The following MMP25 variants were observed in gnomAD, a reference collection of about 807,000 sequenced individuals.
MMP25 encodes the protein matrix metalloproteinase-25.
MMP25 carries 68 observed loss-of-function variants against 62.1 expected under a neutral mutation model. The observed-to-expected ratio is 1.10, with a 90% CI of 0.90 to 1.34. MMP25 has a LOEUF of 1.34. Ranked by LOEUF, MMP25 falls within the 40% of genes most tolerant of loss-of-function variation. The pLI, the probability that MMP25 is intolerant of heterozygous loss-of-function variation, is 0.00. For synonymous variants in MMP25, 407 were observed against 345.6 expected, an observed-to-expected ratio of 1.18 and a Z score of -1.97; for missense variants, 942 against 792.5, an observed-to-expected ratio of 1.19 and a Z score of -2.26.
At chr16:3,055,274 G>A (rs1233581750) in intron 4 of MMP25, among the ~76,000 whole-genome samples, 1 of 152,110 alleles carries the variant, frequency 6.6e-6, no homozygotes, top group Non-Finnish European at 1.5e-5. Context: ...CGTGACAAGG[G>A]TGCAGGAAGG....
chr16:3,050,023 GCCACCATGC>G lies in MMP25; in HGVS notation c.248_256del (p.Ala83_Arg86delinsGly). 6.2e-7 allele frequency: 1 copy of G among 1,609,858 alleles called. No homozygotes were observed. Among genetic ancestry groups the G allele is most frequent in the East Asian group, 2.2e-5 (1 of 44,878 alleles). ...GTCTCCCGCAGACCCAGGGACAGTG[GCCACCATGC>G]GTAAGCCCCGCTGCTCCCTGCCTGA... is the stretch of plus-strand genomic sequence containing the variant. On this transcript the variant is annotated inframe_deletion, in exon 3 of 10. Coordinates refer to ENST00000336577, the MANE Select transcript of MMP25 (RefSeq NM_022468.5).
chr16:3,058,884 A>C lies in MMP25; in HGVS notation c.1475A>C (p.Lys492Thr), dbSNP rs1956066010. ...HYWRFPKNSIKTEPDAPQPMG... is the reference protein window; with the variant it reads ...HYWRFPKNSITTEPDAPQPMG... ...TGGCGCTTCCCCAAGAACAGCATCA[A>C]GACCGAGCCGGACGCCCCCCAGCCC... is the stretch of plus-strand genomic sequence containing the variant. Residue 492 changes from lysine (K) to threonine (T), a missense_variant, in exon 10 of 10, where the codon AAG (lysine) becomes ACG (threonine). Coordinates refer to ENST00000336577, the MANE Select transcript of MMP25 (RefSeq NM_022468.5). The C allele has an allele frequency of 1.9e-6, 3 of 1,557,536 alleles. No homozygotes were observed. Among genetic ancestry groups the C allele is most frequent in the Non-Finnish European group, 2.6e-6 (3 of 1,150,600 alleles).
chr16:3,059,366 T>A lies in MMP25; in HGVS notation c.*268T>A, dbSNP rs896224538. On this transcript the variant is annotated 3_prime_UTR_variant, in exon 10 of 10. Transcript: ENST00000336577. ...CAGGGGCGCACGCGCGCTGGGACCATGCGTCGGTCGTCGCCCCCGTCGTTC... is the reference window on the plus strand; with the variant it reads ...CAGGGGCGCACGCGCGCTGGGACCAAGCGTCGGTCGTCGCCCCCGTCGTTC... 1 of 353,302 alleles carries A rather than the reference T, an allele frequency of 2.8e-6. No individual in the cohort carries two copies. The highest frequency in any genetic ancestry group is 5.0e-6 in the Non-Finnish European group (1 of 199,556). The allele number at this position is 353,302 out of a possible 1,614,324, so 21.9% of individuals were successfully genotyped here.
chr16:3,058,744 G>A (rs1356563499), intron 9 of MMP25, 75 bp downstream of exon 9: 5 of 1,519,404 alleles, frequency 3.3e-6, no homozygotes, highest in Non-Finnish European at 3.5e-6. Context: ...GGACATGGAG[G>A]CCACCCTGCG....
chr16:3,049,629 G>A (rs1450531813), intron 2 of MMP25, among the ~76,000 whole-genome samples: 1 of 152,172 alleles, frequency 6.6e-6, no homozygotes, highest in Non-Finnish European at 1.5e-5. Flanking sequence ...GATGGTGTGA[G>A]GCCTGCACAG....
intron 4 of MMP25, 42 bp from the exon 5 acceptor site, chr16:3,056,991 C>T (rs1265217019): frequency 3.3e-6 from 5 of 1,521,810 alleles, no homozygotes; most frequent in Admixed American, 2.1e-5. Flanking sequence ...CCCCTTTCCC[C>T]AAGCAGGGGC....
At chr16:3,050,189 T>C in intron 3 of MMP25, 45 bp downstream of exon 3, 2 of 1,580,752 alleles carry the variant, frequency 1.3e-6, no homozygotes, top group African/African-American at 1.3e-5. Flanking sequence ...CCTGCTGGGC[T>C]CCGGCTTTGA....
In MMP25 at chr16:3,050,433, AC is replaced by A. The variant is rs1219503356; in HGVS notation, c.552del (p.Phe185SerfsTer8). On this transcript the variant is annotated frameshift_variant, in exon 4 of 10. Coordinates refer to ENST00000336577, the MANE Select transcript of MMP25 (RefSeq NM_022468.5). LOFTEE classifies it high-confidence loss of function. The stretch of plus-strand genomic sequence containing the variant: ...GCCCGCGCCTTCCACCAGGACAGCT[AC>A]CCCTTCGACGGGTTGGGGGGCACCC... The part of the protein sequence containing the change: ...DFARAFHQDS[Y>X]PFDGLGGTLA... The A allele has an allele frequency of 2.5e-6, 4 of 1,613,748 alleles. No individual in the cohort carries two copies. In the African/African-American group the frequency reaches 5.3e-5, roughly 22 times the overall value.
Position 3,060,226 on chromosome 16 carries a change from G to A in MMP25, c.*1128G>A, listed in dbSNP as rs186716252. On this transcript the variant is annotated 3_prime_UTR_variant, in exon 10 of 10. Transcript: ENST00000336577. ...AGACTATCCCACATCAGAATCACTG[G>A]GAAATTTAAGTTTGCAGATCCCACA... 98 of 152,186 alleles carry A rather than the reference G, an allele frequency of 6.4e-4. No homozygotes were observed. The highest frequency in any genetic ancestry group is 2.3e-3 in the African/African-American group (94 of 41,508). 9.4% of individuals were successfully genotyped at this position (152,186 alleles called of 1,614,324 possible).
At chr16:3,057,426 T>C in intron 6 of MMP25, 32 bp downstream of exon 6, 1 of 1,604,972 alleles carries the variant, frequency 6.2e-7, no homozygotes, top group Non-Finnish European at 8.5e-7. Context: ...AGACCTTGGG[T>C]GACCAGCTGC....
chr16:3,047,419 G>C lies in MMP25; in HGVS notation c.104G>C (p.Trp35Ser), dbSNP rs1955835987. 1 of 1,613,228 alleles carries C rather than the reference G, an allele frequency of 6.2e-7. No homozygotes were observed. The highest frequency in any genetic ancestry group is 8.5e-7 in the Non-Finnish European group (1 of 1,179,602). Residue 35 changes from tryptophan to serine, a missense_variant, in exon 2 of 10, where the codon TGG (tryptophan) becomes TCG (serine). Physicochemically the swap from Trp to Ser is radical, Grantham distance 177. Transcript: ENST00000336577. Reference protein sequence around the residue: ...SAQDVSLGVDWLTRYGYLPPP... With the variant: ...SAQDVSLGVDSLTRYGYLPPP... ...CTGCCCCCTCCGATGCCCTAGGACT[G>C]GCTGACTCGCTATGGTTACCTGCCG... is the stretch of plus-strand genomic sequence containing the variant.
chr16:3,059,119 G>T lies in MMP25; in HGVS notation c.*21G>T, dbSNP rs369473134. 4.9e-4 allele frequency: 734 copies of T among 1,512,348 alleles called. 1 individual carries two copies. The highest frequency in any genetic ancestry group is 5.9e-4 in the Non-Finnish European group (667 of 1,124,638). 93.7% of individuals were successfully genotyped at this position (1,512,348 alleles called of 1,614,324 possible). On this transcript the variant is annotated 3_prime_UTR_variant, in exon 10 of 10. Transcript: ENST00000336577. The stretch of plus-strand genomic sequence containing the variant: ...GCTGATGGGGGGAGCCATCCAGACC[G>T]AACAGCGCCCTCCACGGCCGAGTCC...
intron 4 of MMP25, among the ~76,000 whole-genome samples, chr16:3,055,403 A>T (rs1955988920): frequency 6.6e-6 from 1 of 152,152 alleles, no homozygotes; most frequent in African/African-American, 2.4e-5. Flanking sequence ...CAGAAAAAGG[A>T]CTCAGAGCAA....
chr16:3,050,796 T>C (rs901993000), intron 4 of MMP25, among the ~76,000 whole-genome samples: 1 of 152,050 alleles, frequency 6.6e-6, no homozygotes, highest in African/African-American at 2.4e-5. Flanking sequence ...TGTTTGTTTT[T>C]TTTACTTTTT....
At position 3,057,138 on chromosome 16, in the gene MMP25, A is replaced by G. The variant is rs1212493061; in HGVS notation, c.767A>G (p.Gln256Arg). Reference protein sequence around the residue: ...APNSIMRPFYQGPVGDPDKYR... With the variant: ...APNSIMRPFYRGPVGDPDKYR... ...AACTCCATTATGAGGCCCTTCTACC[A>G]GGGTCCGGTGGGCGACCCTGACAAG... is the stretch of plus-strand genomic sequence containing the variant. Residue 256 changes from glutamine to arginine, a missense_variant, in exon 5 of 10, where the codon CAG (glutamine) becomes CGG (arginine). By Grantham distance (43) the Gln-to-Arg change is conservative (BLOSUM62 1). Coordinates refer to ENST00000336577, the MANE Select transcript of MMP25 (RefSeq NM_022468.5). The G allele has an allele frequency of 1.2e-6, 2 of 1,613,114 alleles. No individual in the cohort carries two copies. Among genetic ancestry groups the G allele is most frequent in the Non-Finnish European group, 1.7e-6 (2 of 1,179,640 alleles).
At chr16:3,049,143 T>C (rs1955862458) in intron 2 of MMP25, among the ~76,000 whole-genome samples, 1 of 151,454 alleles carries the variant, frequency 6.6e-6, no homozygotes, top group African/African-American at 2.4e-5. Flanking sequence ...TGGGTCCTGA[T>C]GGAGAATGGA....
rs1403511045 is a variant in MMP25, at chr16:3,050,504, A to G, written c.619A>G (p.Thr207Ala). The G allele has an allele frequency of 9.5e-6, 15 of 1,585,502 alleles. No individual in the cohort carries two copies. The highest frequency in any genetic ancestry group is 1.4e-5 in the African/African-American group (1 of 74,066). ...TGGGGAGCACCCCATCTCCGGGGAC[A>G]CTCACTTTGACGATGAGGAGACCTG... Reference protein sequence around the residue: ...FPGEHPISGDTHFDDEETWTF... With the variant: ...FPGEHPISGDAHFDDEETWTF... The change falls in exon 4 of 10, where the codon ACT becomes GCT. Residue 207 changes from threonine (T) to alanine (A), a missense_variant. Transcript: ENST00000336577.
At position 3,058,556 on chromosome 16, in the gene MMP25, AG is replaced by A. The variant is rs1956057037; in HGVS notation, c.1305del (p.Gln435HisfsTer20). On this transcript the variant is annotated frameshift_variant, in exon 9 of 10. Transcript: ENST00000336577. LOFTEE classifies it high-confidence loss of function. ...NGKTYLVRGR[Q>X]YWRYDEAAAR... ...AAGACCTACCTGGTCCGCGGCCGGC[AG>A]TACTGGCGCTACGACGAGGCGGCGG... 4.3e-6 allele frequency: 7 copies of A among 1,610,852 alleles called. 1 individual carries two copies. In the South Asian group the frequency reaches 7.7e-5, roughly 18 times the overall value.
chr16:3,047,867 A>G (rs1203042955), intron 2 of MMP25, among the ~76,000 whole-genome samples: 1 of 143,954 alleles, frequency 6.9e-6, no homozygotes, highest in African/African-American at 2.6e-5. Context: ...GAGACGGAGT[A>G]TCCCTCTTTT....
Sources: gnomAD v4.1 joint callset for allele counts (sites outside exome capture counted in the v4.1 genomes callset) on GRCh38, gnomAD v4.1.1 for gene constraint, MANE v1.5 for transcripts, NCBI Gene and HGNC (gene_info 2026-07-23, HGNC 2026-07-21) for gene names.